The following AGMO variants were observed in gnomAD, a reference collection of about 807,000 sequenced individuals.
AGMO encodes the protein glyceryl-ether monooxygenase.
Under a neutral mutation model 60.2 loss-of-function variants are expected in AGMO, and 75 were observed. The observed-to-expected ratio is 1.25, with a 90% confidence interval of 1.03 to 1.51. The LOEUF is 1.51. Ranked by LOEUF, AGMO falls within the 40% of genes most tolerant of loss-of-function variation. The pLI is 0.00. For synonymous variants in AGMO, 261 were observed against 177.1 expected (o/e 1.47, Z -3.76); for missense variants, 763 against 525.5 (o/e 1.45, Z -4.42).
chr7:15,529,225 T>C (rs898304632), intron 3 of AGMO, among the ~76,000 whole-genome samples: 6 of 151,852 alleles, frequency 4.0e-5, no homozygotes, highest in Non-Finnish European at 5.9e-5. Flanking sequence ...TATTGGAGGA[T>C]GCATCATGTA....
chr7:15,459,722 T>A (rs1228986753), intron 3 of AGMO, among the ~76,000 whole-genome samples: 3 of 151,982 alleles, frequency 2.0e-5, no homozygotes, highest in African/African-American at 7.3e-5. Flanking sequence ...AGTTATTTTT[T>A]AAAACTGCAT....
chr7:15,204,045 T>C (rs563197683), intron 12 of AGMO, among the ~76,000 whole-genome samples: 1 of 152,222 alleles, frequency 6.6e-6, no homozygotes, highest in East Asian at 1.9e-4. Context: ...TAAAATAACA[T>C]AAATGTGCCC....
intron 3 of AGMO, among the ~76,000 whole-genome samples, chr7:15,437,723 G>A (rs957391007): frequency 4.6e-5 from 7 of 151,978 alleles, no homozygotes; most frequent in African/African-American, 1.7e-4. Context: ...TGTATTTTTA[G>A]TAGAGACGGG....
At chr7:15,358,917 G>A (rs996251498) in intron 12 of AGMO, among the ~76,000 whole-genome samples, 4 of 152,146 alleles carry the variant, frequency 2.6e-5, no homozygotes, top group Non-Finnish European at 4.4e-5. Context: ...AATGATAGAA[G>A]CGATTTTAAC....
chr7:15,143,688 CTT>C, the AGMO span, among the ~76,000 whole-genome samples: 87 of 127,736 alleles, frequency 6.8e-4, no homozygotes, highest in Non-Finnish European at 7.3e-4. Flanking sequence ...TTTGTTTTGT[CTT>C]TTTTTTTTTT....
At position 15,431,769 on chromosome 7, in the gene AGMO, C is replaced by A. The variant is rs528819139; in HGVS notation, c.410-661G>T. Among the ~76,000 whole-genome samples, 161 of 151,778 alleles carry A rather than the reference C, an allele frequency of 1.1e-3. No individual in the cohort carries two copies. In the South Asian group the frequency reaches 0.02, roughly 18 times the overall value. The stretch of plus-strand genomic sequence containing the variant: ...TTTTCCACATAGTTTTATCTGTGTT[C>A]ATAAAAAAGGAAAATGATTGTTGTT... On this transcript the variant is annotated intron_variant, in intron 3 of 12. Coordinates refer to ENST00000342526, the MANE Select transcript of AGMO (RefSeq NM_001004320.2).
chr7:15,361,892 C>G (rs573626610), intron 12 of AGMO, among the ~76,000 whole-genome samples: 36 of 152,164 alleles, frequency 2.4e-4, no homozygotes, highest in African/African-American at 7.5e-4. Context: ...AGCTAGCCTT[C>G]TAGATAGAGA....
intron 12 of AGMO, among the ~76,000 whole-genome samples, chr7:15,335,315 C>G (rs1482958891): frequency 2.6e-5 from 4 of 152,054 alleles, no homozygotes; most frequent in Admixed American, 6.6e-5. Context: ...TTCATTAATA[C>G]TGATGAAAGA....
At chr7:15,442,144 G>T (rs1008276156) in intron 3 of AGMO, among the ~76,000 whole-genome samples, 1 of 152,178 alleles carries the variant, frequency 6.6e-6, no homozygotes, top group Non-Finnish European at 1.5e-5. Context: ...AAACAGATTG[G>T]TCTATCCTTT....
rs866289285 is a variant in AGMO, at chr7:15,551,312, G to C, written c.258-6389C>G. On this transcript the variant is annotated intron_variant, in intron 2 of 12. Coordinates refer to ENST00000342526, the MANE Select transcript of AGMO (RefSeq NM_001004320.2). ...TATTCAACATAGTGTTGGAAGTTCT[G>C]GCCAGGGCAATTAGGCAGGAGAAGG... is the stretch of plus-strand genomic sequence containing the variant. Among the ~76,000 whole-genome samples, 556 of 151,556 alleles carry C rather than the reference G, an allele frequency of 3.7e-3. 3 individuals are homozygous for C. Among genetic ancestry groups the C allele is most frequent in the African/African-American group, 0.013 (537 of 41,276 alleles).
At chr7:15,390,250 T>G (rs1009258284) in intron 8 of AGMO, among the ~76,000 whole-genome samples, 4 of 152,122 alleles carry the variant, frequency 2.6e-5, no homozygotes, top group Non-Finnish European at 4.4e-5. Flanking sequence ...TCCTGACACT[T>G]GGGTCCAAGA....
At chr7:15,521,290 C>G (rs921491614) in intron 3 of AGMO, among the ~76,000 whole-genome samples, 4 of 152,136 alleles carry the variant, frequency 2.6e-5, no homozygotes, top group South Asian at 2.1e-4. Flanking sequence ...TGGTACCATT[C>G]CTTCTAAAAC....
intron 12 of AGMO, among the ~76,000 whole-genome samples, chr7:15,320,818 CA>C (rs1781085963): frequency 6.6e-6 from 1 of 152,116 alleles, no homozygotes; most frequent in Non-Finnish European, 1.5e-5. Context: ...ACAAGGACCT[CA>C]AGTTGAAACA....
chr7:15,523,942 A>T (rs1189888440), intron 3 of AGMO, among the ~76,000 whole-genome samples: 1 of 152,184 alleles, frequency 6.6e-6, no homozygotes, highest in Non-Finnish European at 1.5e-5. Flanking sequence ...GAAATGTAAC[A>T]GTATGTCTGA....
At chr7:15,458,790 C>A (rs1173407972) in intron 3 of AGMO, among the ~76,000 whole-genome samples, 5 of 152,114 alleles carry the variant, frequency 3.3e-5, no homozygotes, top group Non-Finnish European at 7.4e-5. Flanking sequence ...GACACAACCA[C>A]AAAATTGCAG....
At chr7:15,369,353 A>G (rs1208031722) in intron 10 of AGMO, among the ~76,000 whole-genome samples, 1 of 152,110 alleles carries the variant, frequency 6.6e-6, no homozygotes, top group Admixed American at 6.5e-5. Flanking sequence ...CACTCAGAAT[A>G]AAGCTCAAAG....
At chr7:15,250,710 C>T (rs868783065) in intron 12 of AGMO, among the ~76,000 whole-genome samples, 24 of 152,194 alleles carry the variant, frequency 1.6e-4, no homozygotes, top group African/African-American at 5.5e-4. Context: ...GAAGCTGAGG[C>T]AGGTGGATCA....
At chr7:15,185,119 G>A in the AGMO span, among the ~76,000 whole-genome samples, 1 of 151,884 alleles carries the variant, frequency 6.6e-6, no homozygotes, top group African/African-American at 2.4e-5. Context: ...TAAAATTTAG[G>A]GAAGTTTTTT....
chr7:15,296,187 T>C (rs28396644), intron 12 of AGMO, among the ~76,000 whole-genome samples: 6,318 of 152,190 alleles, frequency 0.042, 455 homozygotes, highest in African/African-American at 0.14. Context: ...TCAACCAATA[T>C]AGTGCCACTC....
Sources: gnomAD v4.1 joint callset for allele counts (sites outside exome capture counted in the v4.1 genomes callset) on GRCh38, gnomAD v4.1.1 for gene constraint, MANE v1.5 for transcripts, NCBI Gene and HGNC (gene_info 2026-07-23, HGNC 2026-07-21) for gene names.